Variants in PEX11A observed in about 807,000 individuals in gnomAD.
PEX11A encodes the protein peroxisomal biogenesis factor 11 alpha.
In PEX11A, 13 loss-of-function variants were observed where a neutral mutation model predicts 14.4. The ratio of observed to expected loss-of-function variants is 0.90; its 90% confidence interval spans 0.59 to 1.43. The LOEUF (loss-of-function observed/expected upper bound fraction) is 1.43. Ranked by LOEUF, PEX11A falls within the 40% of genes most tolerant of loss-of-function variation. The pLI, the probability that PEX11A is intolerant of heterozygous loss-of-function variation, is 0.00. For missense variants in PEX11A, 290 were observed against 302.8 expected (o/e 0.96, Z 0.31); for synonymous variants, 101 against 113.0 (o/e 0.89, Z 0.67).
Position 89,682,693 on chromosome 15 carries a change from T to G in PEX11A, c.*684A>C, listed in dbSNP as rs1204874127. ...TTTGTCTCACTGTCAGCTTCTTATCTGTCACAGGCTACATATAGGCACCCA... is the reference window on the plus strand; with the variant it reads ...TTTGTCTCACTGTCAGCTTCTTATCGGTCACAGGCTACATATAGGCACCCA... On this transcript the variant is annotated 3_prime_UTR_variant, in exon 3 of 3. Transcript: ENST00000300056. 1 of 152,274 alleles carries G rather than the reference T, an allele frequency of 6.6e-6. No homozygotes were observed. Among genetic ancestry groups the G allele is most frequent in the Non-Finnish European group, 1.5e-5 (1 of 68,062 alleles). The allele number at this position is 152,274 out of a possible 1,614,324, so 9.4% of individuals were successfully genotyped here.
In PEX11A at chr15:89,690,722, G is replaced by A; in HGVS notation, c.-90C>T. 2.2e-6 allele frequency: 2 copies of A among 919,998 alleles called. No homozygotes were observed. Among genetic ancestry groups the A allele is most frequent in the South Asian group, 3.0e-5 (2 of 67,698 alleles). The allele number at this position is 919,998 out of a possible 1,614,324, so 57.0% of individuals were successfully genotyped here. ...ATCCCCAGGGAACGGTCAGTCCCAGGTTATCCGCTGAGGGGGAGGGGCTGA... is the reference window on the plus strand; with the variant it reads ...ATCCCCAGGGAACGGTCAGTCCCAGATTATCCGCTGAGGGGGAGGGGCTGA... On this transcript the variant is annotated 5_prime_UTR_variant, in exon 1 of 3. Transcript: ENST00000300056.
chr15:89,687,793 T>C (rs1186687841), intron 1 of PEX11A: 1 of 277,874 alleles, frequency 3.6e-6, no homozygotes, highest in African/African-American at 2.2e-5. Context: ...GGACTGGTCA[T>C]GTCAATGATT....
In PEX11A at chr15:89,690,617, G is replaced by C. The variant is rs765149599; in HGVS notation, c.16C>G (p.Arg6Gly). 16 of 1,551,314 alleles carry C rather than the reference G, an allele frequency of 1.0e-5. No homozygotes were observed. The South Asian group carries it at 1.5e-4, about 15-fold the overall frequency. MDAFT[R>G]FTNQTQGRDR... The stretch of plus-strand genomic sequence containing the variant: ...CGGCCCTGGGTCTGGTTGGTGAAGC[G>C]GGTGAAGGCGTCCATGGCTTCTAGC... The change falls in exon 1 of 3, where the codon CGC becomes GGC. Residue 6 changes from arginine to glycine, a missense_variant. Transcript: ENST00000300056.
chr15:89,685,006 G>A (rs759786936), intron 2 of PEX11A, among the ~76,000 whole-genome samples: 3 of 151,752 alleles, frequency 2.0e-5, no homozygotes, highest in Admixed American at 6.6e-5. Flanking sequence ...CCTGGCCAAC[G>A]TGGTGAAACC....
chr15:89,683,447 C>T lies in PEX11A; in HGVS notation c.674G>A (p.Gly225Glu), dbSNP rs1324547443. The T allele has an allele frequency of 1.2e-6, 2 of 1,614,108 alleles. No individual in the cohort carries two copies. Among genetic ancestry groups the T allele is most frequent in the South Asian group, 1.1e-5 (1 of 91,082 alleles). The change falls in exon 3 of 3, where the codon GGA (glycine) becomes GAA (glutamate). Residue 225 changes from glycine to glutamate, a missense_variant. Coordinates refer to ENST00000300056, the MANE Select transcript of PEX11A (RefSeq NM_003847.3). ...YKSNPGIIGL[G>E]GLVSSIAGMI... ...GCCTGCTATAGAGGACACAAGACCT[C>T]CAAGTCCAATGATGCCAGGATTGGA...
At chr15:89,685,093 A>G (rs1964657906) in intron 2 of PEX11A, among the ~76,000 whole-genome samples, 1 of 151,700 alleles carries the variant, frequency 6.6e-6, no homozygotes, top group Admixed American at 6.6e-5. Context: ...AGTCCCAGCT[A>G]CTAGGGAGAC....
intron 2 of PEX11A, among the ~76,000 whole-genome samples, chr15:89,684,217 A>G (rs1964644629): frequency 6.6e-6 from 1 of 152,186 alleles, no homozygotes; most frequent in African/African-American, 2.4e-5. Flanking sequence ...TGGTCTTTTT[A>G]ACAACTGATG....
chr15:89,683,566 G>A lies in PEX11A; in HGVS notation c.555C>T (p.Phe185=), dbSNP rs931913088. 1 of 1,614,186 alleles carries A rather than the reference G, an allele frequency of 6.2e-7. No individual in the cohort carries two copies. The highest frequency in any genetic ancestry group is 8.5e-7 in the Non-Finnish European group (1 of 1,180,018). ...EWLQSFLLLL[F]RSLKQHPPLL... is the part of the protein sequence containing the mutation. ...AGGGAGGATGCTGCTTCAGAGATCG[G>A]AATAAAAGAAGTAGAAAGGATTGGA... Residue 185 remains phenylalanine (F), a synonymous_variant, in exon 3 of 3, where the codon TTC becomes TTT. Transcript: ENST00000300056.
chr15:89,682,188 A>AT lies in PEX11A; in HGVS notation c.*1188dup, dbSNP rs201992740. 9.6e-4 allele frequency: 146 copies of AT among 151,806 alleles called. 1 individual carries two copies. Among genetic ancestry groups the AT allele is most frequent in the African/African-American group, 3.4e-3 (139 of 41,408 alleles). 9.4% of individuals were successfully genotyped at this position (151,806 alleles called of 1,614,324 possible). On this transcript the variant is annotated 3_prime_UTR_variant, in exon 3 of 3. Transcript: ENST00000300056. ...ACTGATAAGTCTAAATACTGTCTTA[A>AT]TTTTTTTTTAAGACACAGGGTCTTG...
rs1487209055 is a variant in PEX11A at position 89,683,465 on chromosome 15, G to T, written c.656C>A (p.Pro219His). The change falls in exon 3 of 3, where the codon CCT becomes CAT. Residue 219 changes from proline (P) to histidine (H), a missense_variant. Physicochemically the swap from Pro to His is moderately conservative, Grantham distance 77. Coordinates refer to ENST00000300056, the MANE Select transcript of PEX11A (RefSeq NM_003847.3). The stretch of plus-strand genomic sequence containing the variant: ...AAGACCTCCAAGTCCAATGATGCCA[G>T]GATTGGATTTATAGATCCCCAGCTG... ...LDQLGIYKSN[P>H]GIIGLGGLVS... 1 of 1,613,744 alleles carries T rather than the reference G, an allele frequency of 6.2e-7. No homozygotes were observed. Among genetic ancestry groups the T allele is most frequent in the East Asian group, 2.2e-5 (1 of 44,900 alleles).
intron 2 of PEX11A, among the ~76,000 whole-genome samples, chr15:89,685,160 T>A (rs1336010528): frequency 7.7e-6 from 1 of 129,188 alleles, no homozygotes; most frequent in Non-Finnish European, 1.5e-5. Context: ...GCCAAGATCA[T>A]GCCACTGCAC....
intron 2 of PEX11A, among the ~76,000 whole-genome samples, chr15:89,684,932 G>A (rs1350595888): frequency 6.6e-6 from 1 of 152,196 alleles, no homozygotes; most frequent in Non-Finnish European, 1.5e-5. Context: ...GCTTACGCCT[G>A]TAATCCCAGC....
intron 2 of PEX11A, among the ~76,000 whole-genome samples, chr15:89,685,676 C>A (rs1053350981): frequency 3.9e-5 from 6 of 152,006 alleles, no homozygotes; most frequent in African/African-American, 1.4e-4. Flanking sequence ...TCTACCTCAG[C>A]CAACAAGTTT....
At chr15:89,690,551 G>A in intron 1 of PEX11A, 26 bp downstream of exon 1, 1 of 1,543,480 alleles carries the variant, frequency 6.5e-7, no homozygotes, top group Non-Finnish European at 8.8e-7. Flanking sequence ...CGAGAAAGGG[G>A]CGGAGGCCGC....
At position 89,682,190 on chromosome 15, in the gene PEX11A, T is replaced by G. The variant is rs762399614; in HGVS notation, c.*1187A>C. 1 of 152,034 alleles carries G rather than the reference T, an allele frequency of 6.6e-6. No homozygotes were observed. The highest frequency in any genetic ancestry group is 1.5e-5 in the Non-Finnish European group (1 of 68,012). 9.4% of individuals were successfully genotyped at this position (152,034 alleles called of 1,614,324 possible). A position where few individuals can be genotyped will look rare whatever the true frequency, so the allele number is the denominator to read the frequency against. On this transcript the variant is annotated 3_prime_UTR_variant, in exon 3 of 3. Transcript: ENST00000300056. The stretch of plus-strand genomic sequence containing the variant: ...TGATAAGTCTAAATACTGTCTTAAT[T>G]TTTTTTTAAGACACAGGGTCTTGCT...
chr15:89,686,839 G>A (rs1200145570), intron 1 of PEX11A, among the ~76,000 whole-genome samples: 1 of 87,390 alleles, frequency 1.1e-5, no homozygotes, highest in Non-Finnish European at 3.0e-5. Flanking sequence ...TATAGTCAAA[G>A]TGAGAAACTG....
rs1964639988 is a variant in PEX11A at position 89,683,967 on chromosome 15, A to G, written c.173-19T>C. 1.3e-6 allele frequency: 2 copies of G among 1,516,248 alleles called. No individual in the cohort carries two copies. The highest frequency in any genetic ancestry group is 2.3e-5 in the South Asian group (2 of 85,658). The allele number at this position is 1,516,248 out of a possible 1,614,324, so 93.9% of individuals were successfully genotyped here. On this transcript the variant is annotated intron_variant, in intron 2 of 2. Transcript: ENST00000300056. ...CTGAACCCTGCAAGTAGAACCCACA[A>G]TAGTGAACAGTTATTTCATTAGTAC...
chr15:89,686,610 A>G (rs1311613235), intron 1 of PEX11A, 64 bp from the exon 2 acceptor site: 1 of 773,390 alleles, frequency 1.3e-6, no homozygotes, highest in Non-Finnish European at 2.2e-6. Context: ...TAATTCAGGA[A>G]GTAAGGGAAA....
chr15:89,687,483 G>A (rs2141552098), intron 1 of PEX11A, among the ~76,000 whole-genome samples: 1 of 152,218 alleles, frequency 6.6e-6, no homozygotes, highest in East Asian at 1.9e-4. Context: ...ATTTAATAAA[G>A]TGATTATTGT....
Sources: gnomAD v4.1 joint callset for allele counts (sites outside exome capture counted in the v4.1 genomes callset) on GRCh38, gnomAD v4.1.1 for gene constraint, MANE v1.5 for transcripts, NCBI Gene and HGNC (gene_info 2026-07-23, HGNC 2026-07-21) for gene names.